Variants in MED13L observed in about 807,000 individuals in gnomAD.
The protein encoded by MED13L is mediator complex subunit 13L.
MED13L carries 7 observed loss-of-function variants against 220.9 expected under a neutral mutation model. The ratio of observed to expected loss-of-function variants is 0.03; its 90% CI spans 0.02 to 0.06. The LOEUF is 0.06. MED13L is among the 10% of genes least tolerant of loss of function. The pLI is 1.00. For synonymous variants in MED13L, 1,011 were observed against 1,015.2 expected (o/e 1.00, Z 0.08); for missense variants, 1,965 against 2,760.5 (o/e 0.71, Z 6.46).
chr12:116,121,854 TG>T (rs1875124657), intron 2 of MED13L, among the ~76,000 whole-genome samples: 2 of 152,060 alleles, frequency 1.3e-5, no homozygotes, highest in Middle Eastern at 6.8e-3. Flanking sequence ...ATATTGGAGG[TG>T]GGGGAAGGGC....
chr12:116,017,453 T>G (rs897222257), intron 7 of MED13L, among the ~76,000 whole-genome samples: 36 of 152,310 alleles, frequency 2.4e-4, no homozygotes, highest in African/African-American at 7.5e-4. Flanking sequence ...ATTAAAAACT[T>G]CAAAATACTG....
chr12:116,073,370 TATGAA>T (rs1269221945), intron 4 of MED13L, among the ~76,000 whole-genome samples: 1 of 152,162 alleles, frequency 6.6e-6, no homozygotes, highest in Non-Finnish European at 1.5e-5. Flanking sequence ...CTAGCTCTCT[TATGAA>T]AACAAGAATG....
chr12:116,179,243 T>C (rs1160229605), intron 2 of MED13L, among the ~76,000 whole-genome samples: 1 of 150,646 alleles, frequency 6.6e-6, no homozygotes, highest in African/African-American at 2.4e-5. Flanking sequence ...GTGTACACAA[T>C]TTTTTTAAAG....
intron 25 of MED13L, among the ~76,000 whole-genome samples, chr12:115,972,977 G>A (rs180742024): frequency 3.2e-4 from 48 of 152,114 alleles, no homozygotes; most frequent in African/African-American, 1.1e-3. Context: ...CCTGCTTTCG[G>A]ATCCCATCTT....
At chr12:115,995,748 AC>A (rs1329565455) in intron 16 of MED13L, among the ~76,000 whole-genome samples, 12 of 152,054 alleles carry the variant, frequency 7.9e-5, no homozygotes, top group African/African-American at 2.7e-4. Context: ...CATATTCAGA[AC>A]ACTTACATTG....
intron 1 of MED13L, among the ~76,000 whole-genome samples, chr12:116,250,296 G>C (rs1871421259): frequency 9.2e-6 from 1 of 109,002 alleles, no homozygotes; most frequent in Non-Finnish European, 2.2e-5. Context: ...GTAAAATACA[G>C]ACTTATTTTT....
At chr12:116,032,295 C>G (rs530456400) in intron 4 of MED13L, among the ~76,000 whole-genome samples, 2 of 152,114 alleles carry the variant, frequency 1.3e-5, no homozygotes, top group South Asian at 4.1e-4. Context: ...TCAAGAATAG[C>G]CAACCCAATT....
intron 23 of MED13L, among the ~76,000 whole-genome samples, chr12:115,977,450 T>A (rs1377037165): frequency 6.6e-6 from 1 of 152,200 alleles, no homozygotes; most frequent in African/African-American, 2.4e-5. Flanking sequence ...AACTGCACTC[T>A]TAGGTATTTA....
Position 115,997,166 on chromosome 12 carries a change from A to G in MED13L, c.2634T>C (p.Ser878=). ...PPSLEQHPAF[S]PVMNYKDGIS... ...TCCCATCTTTATAATTCATCACAGG[A>G]GAAAATGCAGGATGCTGTTCCAAAG... The change falls in exon 15 of 31, where the codon TCT becomes TCC. Residue 878 remains serine (S), a synonymous_variant. Transcript: ENST00000281928. The G allele has an allele frequency of 6.2e-7, 1 of 1,614,118 alleles. No individual in the cohort carries two copies. Among genetic ancestry groups the G allele is most frequent in the Non-Finnish European group, 8.5e-7 (1 of 1,179,992 alleles).
intron 1 of MED13L, among the ~76,000 whole-genome samples, chr12:116,268,330 T>C (rs532469126): frequency 1.8e-4 from 27 of 152,340 alleles, no homozygotes; most frequent in Non-Finnish European, 3.8e-4. Context: ...TGTTTTTCCT[T>C]ATTTCTCTTT....
At chr12:116,136,255 A>C (rs1876542339) in intron 2 of MED13L, among the ~76,000 whole-genome samples, 1 of 152,116 alleles carries the variant, frequency 6.6e-6, no homozygotes, top group African/African-American at 2.4e-5. Flanking sequence ...AGGAAACTGA[A>C]CTAAGTGCTA....
chr12:116,232,847 G>A (rs773646506), intron 2 of MED13L, among the ~76,000 whole-genome samples: 1 of 152,182 alleles, frequency 6.6e-6, no homozygotes, highest in African/African-American at 2.4e-5. Context: ...AGCACTTTGG[G>A]AGGCCGAGGC....
intron 1 of MED13L, among the ~76,000 whole-genome samples, chr12:116,252,759 T>G (rs1871669592): frequency 6.6e-6 from 1 of 151,748 alleles, no homozygotes; most frequent in South Asian, 2.1e-4. Context: ...CAAATGCTCA[T>G]TAGACTAATC....
At position 115,982,474 on chromosome 12, in the gene MED13L, A is replaced by G; in HGVS notation, c.5085T>C (p.Ser1695=). 6.2e-7 allele frequency: 1 copy of G among 1,614,178 alleles called. No homozygotes were observed. ...TCAAGCTCAACAGCCAAAAGTTCCC[A>G]GAAGTGGAGTCCTCCTCTGCAGCAT... ...FTYAAEEDST[S]GNFWLLSLMR... Residue 1695 remains serine, a synonymous_variant, in exon 22 of 31, where the codon TCT becomes TCC. Transcript: ENST00000281928.
At chr12:116,063,090 A>G (rs1471176271) in intron 4 of MED13L, among the ~76,000 whole-genome samples, 1 of 152,202 alleles carries the variant, frequency 6.6e-6, no homozygotes, top group Non-Finnish European at 1.5e-5. Context: ...GGCCCTTAGC[A>G]CAGCAGCTGG....
chr12:116,277,024 C>G, intron 1 of MED13L, 36 bp downstream of exon 1: 2 of 1,427,422 alleles, frequency 1.4e-6, no homozygotes, highest in Non-Finnish European at 1.9e-6. Flanking sequence ...CCCCCCTTCC[C>G]CGGCACAGCC....
At chr12:115,987,699 T>C (rs574459266) in intron 17 of MED13L, among the ~76,000 whole-genome samples, 1 of 152,314 alleles carries the variant, frequency 6.6e-6, no homozygotes, top group African/African-American at 2.4e-5. Context: ...AAATGGAACT[T>C]AAATAAAAGC....
At chr12:115,982,786 G>A (rs908799075) in intron 21 of MED13L, among the ~76,000 whole-genome samples, 183 bp from the exon 22 acceptor site, 19 of 152,342 alleles carry the variant, frequency 1.2e-4, no homozygotes, top group African/African-American at 4.6e-4. Flanking sequence ...ATCGAGGGCA[G>A]ATGGAAAATG....
Position 115,991,380 on chromosome 12 carries a change from C to T in MED13L, c.3574G>A (p.Asp1192Asn). The change falls in exon 17 of 31, where the codon GAT becomes AAT. Residue 1192 changes from aspartate (D) to asparagine (N), a missense_variant. Physicochemically the swap from Asp to Asn is conservative, Grantham distance 23. Transcript: ENST00000281928. The surrounding 1 kb of genome is among the most constrained non-coding windows in gnomAD (Gnocchi z 7.7). ...CGCCTCTCTGCAGCCTGACCAATATCAGAATTCTTCCCAAAAATATCCAAC... is the reference window on the plus strand; with the variant it reads ...CGCCTCTCTGCAGCCTGACCAATATTAGAATTCTTCCCAAAAATATCCAAC... ...DELDIFGKNS[D>N]IGQAAERRLM... 1 of 1,613,960 alleles carries T rather than the reference C, an allele frequency of 6.2e-7. No homozygotes were observed. Among genetic ancestry groups the T allele is most frequent in the Non-Finnish European group, 8.5e-7 (1 of 1,180,016 alleles).
Sources: gnomAD v4.1 joint callset for allele counts (sites outside exome capture counted in the v4.1 genomes callset) on GRCh38, gnomAD v4.1.1 for gene constraint, Gnocchi (gnomAD v3.1) non-coding constraint, MANE v1.5 for transcripts, NCBI Gene and HGNC (gene_info 2026-07-23, HGNC 2026-07-21) for gene names.